The following INO80D variants were observed in gnomAD, a reference collection of about 807,000 sequenced individuals.
INO80D encodes INO80 complex subunit D.
INO80D carries 21 observed loss-of-function variants against 87.6 expected under a neutral mutation model. That is an observed-to-expected ratio of 0.24 (90% CI 0.17 to 0.35). The LOEUF (loss-of-function observed/expected upper bound fraction) is 0.35. Among genes scored for constraint, INO80D ranks in the 10% least tolerant of loss-of-function variants. The pLI is 1.00. For synonymous variants in INO80D, 440 were observed against 491.0 expected, an observed-to-expected ratio of 0.90 and a Z score of 1.37; for missense variants, 982 against 1,280.7, an observed-to-expected ratio of 0.77 and a Z score of 3.56.
rs1181300457 is a variant in INO80D, at chr2:206,084,628, G to C, written c.-124+1273C>G. 2.6e-5 allele frequency: 4 copies of C among 152,412 alleles called. No homozygotes were observed. In the East Asian group the frequency reaches 5.8e-4, roughly 22 times the overall value. 9.4% of individuals were successfully genotyped at this position (152,412 alleles called of 1,614,324 possible). A position where few individuals can be genotyped will look rare whatever the true frequency, so the allele number is the denominator to read the frequency against. ...ACTCCTACATCTGGGGACTGCTCCAGAAACCCTGCCTGATCCTGCCCCTCT... is the reference window on the plus strand; with the variant it reads ...ACTCCTACATCTGGGGACTGCTCCACAAACCCTGCCTGATCCTGCCCCTCT... On this transcript the variant is annotated intron_variant, in intron 1 of 10. Transcript: ENST00000403263.
intron 1 of INO80D, among the ~76,000 whole-genome samples, chr2:206,070,986 T>G (rs754621435): frequency 1.8e-4 from 27 of 151,778 alleles, no homozygotes; most frequent in Non-Finnish European, 3.2e-4. Flanking sequence ...CTTTTCTTTT[T>G]CACTCTTGTT....
chr2:206,078,061 C>CAAAAAAA (rs71410859), intron 1 of INO80D, among the ~76,000 whole-genome samples: 1,284 of 63,024 alleles, frequency 0.02, 186 homozygotes, highest in African/African-American at 0.038. Flanking sequence ...GCAATGTTTA[C>CAAAAAAA]AAAAAAAAAA....
At position 205,995,937 on chromosome 2, in the gene INO80D, G is replaced by C. The variant is rs1687799916; in HGVS notation, c.*8431C>G. ...TTTCCATTAAAATGTAAATGGTGAA[G>C]TTATGATTAAACTACAAAGCAAATA... On this transcript the variant is annotated 3_prime_UTR_variant, in exon 11 of 11. Coordinates refer to ENST00000403263, the MANE Select transcript of INO80D (RefSeq NM_017759.5). 6.6e-6 allele frequency: 1 copy of C among 152,056 alleles called. No homozygotes were observed. The highest frequency in any genetic ancestry group is 2.4e-5 in the African/African-American group (1 of 41,424). The allele number at this position is 152,056 out of a possible 1,614,324, so 9.4% of individuals were successfully genotyped here.
At chr2:206,047,875 G>C (rs1421678139) in intron 4 of INO80D, among the ~76,000 whole-genome samples, 1 of 40,394 alleles carries the variant, frequency 2.5e-5, no homozygotes, top group Admixed American at 3.3e-4. Flanking sequence ...TTTTGAGACG[G>C]AGTCTCGCTC....
intron 1 of INO80D, among the ~76,000 whole-genome samples, chr2:206,064,266 A>T (rs1163236583): frequency 6.6e-6 from 1 of 152,170 alleles, no homozygotes; most frequent in African/African-American, 2.4e-5. Context: ...TACACGCAAA[A>T]GGCCCAGTGG....
Position 206,056,236 on chromosome 2 carries a change from T to C in INO80D, c.926A>G (p.Gln309Arg), listed in dbSNP as rs1267016816. Residue 309 changes from glutamine (Q) to arginine (R), a missense_variant, in exon 4 of 11, where the codon CAG becomes CGG. Transcript: ENST00000403263. Reference protein sequence around the residue: ...RLQRLVKLCTQKHQLDTDLFP... With the variant: ...RLQRLVKLCTRKHQLDTDLFP... ...CAGATCAGTGTCCAACTGATGTTTCTGGGTGCACAGTTTCACCAGTCTCTG... is the reference window on the plus strand; with the variant it reads ...CAGATCAGTGTCCAACTGATGTTTCCGGGTGCACAGTTTCACCAGTCTCTG... 6.2e-7 allele frequency: 1 copy of C among 1,607,004 alleles called. No homozygotes were observed. The highest frequency in any genetic ancestry group is 1.7e-4 in the Middle Eastern group (1 of 6,008).
intron 4 of INO80D, among the ~76,000 whole-genome samples, chr2:206,047,855 A>AG (rs1559451845): frequency 1.4e-5 from 1 of 70,962 alleles, no homozygotes. Context: ...GATTTCTTTC[A>AG]ATTTTTTTTT....
chr2:206,048,522 T>C (rs1373088937), intron 4 of INO80D, among the ~76,000 whole-genome samples: 1 of 152,182 alleles, frequency 6.6e-6, no homozygotes, highest in Non-Finnish European at 1.5e-5. Context: ...CATGAGCCAC[T>C]GTGCCCAGCC....
At chr2:206,053,150 G>C (rs1689420776) in intron 4 of INO80D, among the ~76,000 whole-genome samples, 2 of 151,804 alleles carry the variant, frequency 1.3e-5, no homozygotes, top group South Asian at 4.1e-4. Context: ...CTTGGAATCG[G>C]CAATTCCACT....
chr2:206,058,210 G>A (rs986986636), intron 3 of INO80D, among the ~76,000 whole-genome samples: 1 of 150,852 alleles, frequency 6.6e-6, no homozygotes, highest in African/African-American at 2.4e-5. Flanking sequence ...ACAAGGTCAG[G>A]AGATCGAGAC....
intron 1 of INO80D, among the ~76,000 whole-genome samples, chr2:206,064,643 T>C (rs1362323112): frequency 2.6e-5 from 4 of 152,188 alleles, no homozygotes. Flanking sequence ...AATGATCAAA[T>C]GATACAAAGC....
intron 5 of INO80D, among the ~76,000 whole-genome samples, chr2:206,038,942 C>T (rs1427476761): frequency 6.6e-6 from 1 of 152,056 alleles, no homozygotes; most frequent in East Asian, 1.9e-4. Context: ...TTTGAGTTTC[C>T]AGGGTAAGTC....
chr2:206,069,423 T>C (rs1260093812), intron 1 of INO80D, among the ~76,000 whole-genome samples: 1 of 152,224 alleles, frequency 6.6e-6, no homozygotes, highest in African/African-American at 2.4e-5. Flanking sequence ...TAGTTAACAG[T>C]AGGCTAGTTA....
At chr2:206,036,336 C>T (rs1215553848) in intron 5 of INO80D, among the ~76,000 whole-genome samples, 2 of 152,122 alleles carry the variant, frequency 1.3e-5, no homozygotes, top group Admixed American at 6.6e-5. Flanking sequence ...ATGGAACCAA[C>T]CCAAATGCCC....
Position 206,005,206 on chromosome 2 carries a change from G to A in INO80D, c.2246C>T (p.Ala749Val). Reference sequence around the variant, plus strand: ...AGAGAACTGCCCCTGGATCTGCCCTGCCAGGGGTGTAGGTGGGTTTGACAA... The same window carrying A: ...AGAGAACTGCCCCTGGATCTGCCCTACCAGGGGTGTAGGTGGGTTTGACAA... ...ATLSNPPTPL[A>V]GQIQGQFSAP... Residue 749 changes from alanine (A) to valine (V), a missense_variant, in exon 11 of 11, where the codon GCA becomes GTA. By Grantham distance (64) the Ala-to-Val change is moderately conservative. Transcript: ENST00000403263. The A allele has an allele frequency of 6.2e-7, 1 of 1,614,008 alleles. No homozygotes were observed. The highest frequency in any genetic ancestry group is 8.5e-7 in the Non-Finnish European group (1 of 1,179,876).
Position 206,004,795 on chromosome 2 carries a change from G to C in INO80D, c.2657C>G (p.Pro886Arg). The C allele has an allele frequency of 6.2e-7, 1 of 1,614,014 alleles. No individual in the cohort carries two copies. Among genetic ancestry groups the C allele is most frequent in the Non-Finnish European group, 8.5e-7 (1 of 1,179,892 alleles). The change falls in exon 11 of 11, where the codon CCC (proline) becomes CGC (arginine). Residue 886 changes from proline to arginine, a missense_variant. Transcript: ENST00000403263. The surrounding 1 kb of genome is among the most constrained non-coding windows in gnomAD (Gnocchi z 4.9). Reference protein sequence around the residue: ...LEVPLGGVVNPRTHWGNLPVN... With the variant: ...LEVPLGGVVNRRTHWGNLPVN... ...AGGGAGATTGCCCCAGTGAGTTCTGGGGTTTACCACGCCTCCAAGTGGCAC... is the reference window on the plus strand; with the variant it reads ...AGGGAGATTGCCCCAGTGAGTTCTGCGGTTTACCACGCCTCCAAGTGGCAC...
chr2:206,024,869 C>A (rs1403668203), intron 6 of INO80D, among the ~76,000 whole-genome samples: 5 of 152,076 alleles, frequency 3.3e-5, no homozygotes, highest in African/African-American at 1.2e-4. Flanking sequence ...AATTCTCCTG[C>A]CTCAGCCTCC....
intron 1 of INO80D, among the ~76,000 whole-genome samples, chr2:206,070,889 ATTTTT>A (rs71863031): frequency 1.6e-5 from 2 of 129,024 alleles, no homozygotes; most frequent in East Asian, 2.2e-4. Context: ...AGGGGACTTG[ATTTTT>A]TTTTTTTTTT....
Position 206,007,429 on chromosome 2 carries a change from C to T in INO80D, c.1773G>A (p.Thr591=), listed in dbSNP as rs748893377. Residue 591 remains threonine, a synonymous_variant, in exon 10 of 11, where the codon ACG becomes ACA. Coordinates refer to ENST00000403263, the MANE Select transcript of INO80D (RefSeq NM_017759.5). ...GCAACTCATCAGCACTCAGCTCTGG[C>T]GTGGATGGGCTCCTGGGAAAGAGGA... The part of the protein sequence containing the change: ...VEASHIRSPS[T]PELSADELPD... 13 of 1,609,402 alleles carry T rather than the reference C, an allele frequency of 8.1e-6. No individual in the cohort carries two copies. Among genetic ancestry groups the T allele is most frequent in the East Asian group, 2.2e-5 (1 of 44,786 alleles).
Sources: gnomAD v4.1 joint callset for allele counts (sites outside exome capture counted in the v4.1 genomes callset) on GRCh38, gnomAD v4.1.1 for gene constraint, Gnocchi (gnomAD v3.1) non-coding constraint, MANE v1.5 for transcripts, NCBI Gene and HGNC (gene_info 2026-07-23, HGNC 2026-07-21) for gene names.